The following BLK variants were observed in gnomAD, a reference collection of about 807,000 sequenced individuals.
BLK encodes the protein BLK proto-oncogene, Src family tyrosine kinase, also known as tyrosine-protein kinase Blk.
A neutral mutation model predicts 61.8 loss-of-function variants in BLK; 64 were observed. The observed-to-expected ratio is 1.03, with a 90% CI of 0.85 to 1.27. The LOEUF is 1.27. BLK is among the 50% of genes most tolerant of loss of function. The probability of loss-of-function intolerance (pLI) is 0.00; values close to 1 mark genes in which losing one functional copy is unlikely to be tolerated. For missense variants in BLK, 853 were observed against 660.5 expected, an observed-to-expected ratio of 1.29 and a Z score of -3.19; for synonymous variants, 351 against 272.0, an observed-to-expected ratio of 1.29 and a Z score of -2.86.
intron 8 of BLK, 151 bp downstream of exon 8, chr8:11,555,635 G>T: frequency 4.9e-6 from 6 of 1,232,308 alleles, no homozygotes; most frequent in Non-Finnish European, 6.9e-6. Context: ...ATTTTACAGA[G>T]GAGGAAGTGG....
chr8:11,499,479 A>G (rs1798478565), intron 1 of BLK, among the ~76,000 whole-genome samples: 1 of 152,214 alleles, frequency 6.6e-6, no homozygotes, highest in South Asian at 2.1e-4. Context: ...TCCTGAGAGA[A>G]TCTCATTTCC....
At chr8:11,514,259 G>A (rs565432115) in intron 1 of BLK, among the ~76,000 whole-genome samples, 4 of 152,216 alleles carry the variant, frequency 2.6e-5, no homozygotes, top group Non-Finnish European at 5.9e-5. Context: ...TCAGCAAATA[G>A]AGCCTTGATC....
chr8:11,550,796 G>A (rs756219051), intron 6 of BLK, among the ~76,000 whole-genome samples: 2 of 152,148 alleles, frequency 1.3e-5, no homozygotes, highest in Non-Finnish European at 2.9e-5. Context: ...TCACCCTCAG[G>A]GGTTTTCTCT....
chr8:11,551,095 T>C (rs1800878505), intron 6 of BLK, among the ~76,000 whole-genome samples: 1 of 152,130 alleles, frequency 6.6e-6, no homozygotes, highest in South Asian at 2.1e-4. Context: ...TTCGCCACCA[T>C]GTCTTGTCTG....
intron 1 of BLK, among the ~76,000 whole-genome samples, chr8:11,514,321 T>C (rs1194666814): frequency 1.3e-5 from 2 of 152,322 alleles, no homozygotes; most frequent in East Asian, 1.9e-4. Context: ...GAAAACCCAC[T>C]TGTCCTTTGC....
At chr8:11,539,685 C>G (rs1800287971) in intron 1 of BLK, among the ~76,000 whole-genome samples, 1 of 152,002 alleles carries the variant, frequency 6.6e-6, no homozygotes, top group Non-Finnish European at 1.5e-5. Context: ...TTTATTAAGC[C>G]CACACTCTGT....
intron 6 of BLK, among the ~76,000 whole-genome samples, chr8:11,550,820 T>C (rs1436390278): frequency 2.0e-5 from 3 of 152,250 alleles, no homozygotes; most frequent in African/African-American, 4.8e-5. Flanking sequence ...TCTCTGTCAT[T>C]TGGCTTTCTT....
Position 11,543,230 on chromosome 8 carries a change from GC to G in BLK, c.7del (p.Leu3TrpfsTer2). On this transcript the variant is annotated frameshift_variant, in exon 2 of 13. Coordinates refer to ENST00000259089, the MANE Select transcript of BLK (RefSeq NM_001715.3). LOFTEE classifies it high-confidence loss of function. MG[L>X]VSSKKPDKEK... ...TGCTGTGTGTCTCCGACAGGATGGGGCTGGTAAGTAGCAAAAAGCCGGACAA... is the reference window on the plus strand; with the variant it reads ...TGCTGTGTGTCTCCGACAGGATGGGGTGGTAAGTAGCAAAAAGCCGGACAA... 2 of 1,613,928 alleles carry G rather than the reference GC, an allele frequency of 1.2e-6. No individual in the cohort carries two copies. Among genetic ancestry groups the G allele is most frequent in the Non-Finnish European group, 1.7e-6 (2 of 1,180,000 alleles).
At chr8:11,542,948 G>A (rs1471320756) in intron 1 of BLK, among the ~76,000 whole-genome samples, 2 of 152,130 alleles carry the variant, frequency 1.3e-5, no homozygotes, top group Admixed American at 6.5e-5. Flanking sequence ...TGAGGACCTG[G>A]ATCCACCCCA....
intron 6 of BLK, among the ~76,000 whole-genome samples, chr8:11,553,914 G>T (rs1801046472): frequency 6.6e-6 from 1 of 152,178 alleles, no homozygotes; most frequent in African/African-American, 2.4e-5. Flanking sequence ...AGAACGAGGG[G>T]TCCGTGCCTG....
At chr8:11,546,196 C>T in intron 3 of BLK, 93 bp downstream of exon 3, 1 of 1,456,840 alleles carries the variant, frequency 6.9e-7, no homozygotes, top group Non-Finnish European at 9.6e-7. Context: ...TCAGGAGCAG[C>T]TTGAGGGCTG....
At position 11,546,056 on chromosome 8, in the gene BLK, T is replaced by C; in HGVS notation, c.128T>C (p.Val43Ala). 6.2e-7 allele frequency: 1 copy of C among 1,614,180 alleles called. No homozygotes were observed. Among genetic ancestry groups the C allele is most frequent in the Non-Finnish European group, 8.5e-7 (1 of 1,180,040 alleles). ...KDAPPLPPLV[V>A]FNHLTPPPPD... ...AGTGTGTGTTTTCTACCCAAGGTTG[T>C]CTTCAACCACCTTACTCCTCCACCG... Residue 43 changes from valine (V) to alanine (A), a missense_variant, in exon 3 of 13, where the codon GTC becomes GCC. Physicochemically the swap from Val to Ala is moderately conservative, Grantham distance 64 (BLOSUM62 0). Coordinates refer to ENST00000259089, the MANE Select transcript of BLK (RefSeq NM_001715.3).
At chr8:11,509,860 G>T (rs561727229) in intron 1 of BLK, 2 of 152,120 alleles carry the variant, frequency 1.3e-5, no homozygotes, top group African/African-American at 4.8e-5. Context: ...TATCTGATGC[G>T]CAGTTTTCAT....
Position 11,562,786 on chromosome 8 carries a change from T to C in BLK, c.1181-193T>C, listed in dbSNP as rs7834638. 0.43 allele frequency among the ~76,000 whole-genome samples: 64,840 copies of C among 152,080 alleles called. 14,817 individuals carry two copies. The highest frequency in any genetic ancestry group is 0.92 in the East Asian group (4,772 of 5,168). Reference sequence around the variant, plus strand: ...ATATCGTCTTTCTGTGCTGCTGATGTCGTGTCTGCACTCACCTGGTCATGT... The same window carrying C: ...ATATCGTCTTTCTGTGCTGCTGATGCCGTGTCTGCACTCACCTGGTCATGT... On this transcript the variant is annotated intron_variant, in intron 11 of 12. Transcript: ENST00000259089.
chr8:11,521,450 C>G (rs1189316082), intron 1 of BLK, among the ~76,000 whole-genome samples: 2 of 152,130 alleles, frequency 1.3e-5, no homozygotes, highest in Admixed American at 6.5e-5. Context: ...ATCACCATAT[C>G]CAGCTAATTC....
intron 1 of BLK, among the ~76,000 whole-genome samples, chr8:11,521,785 T>G (rs1278719134): frequency 6.6e-6 from 1 of 152,190 alleles, no homozygotes; most frequent in African/African-American, 2.4e-5. Context: ...CCTGTTCTAT[T>G]TTTACACTCC....
chr8:11,512,808 C>G (rs545968260), intron 1 of BLK, among the ~76,000 whole-genome samples: 1 of 152,178 alleles, frequency 6.6e-6, no homozygotes, highest in Non-Finnish European at 1.5e-5. Context: ...GGACTACAGG[C>G]GCCACCCACC....
At chr8:11,520,852 C>G (rs1201209051) in intron 1 of BLK, among the ~76,000 whole-genome samples, 2 of 152,062 alleles carry the variant, frequency 1.3e-5, no homozygotes, top group East Asian at 3.9e-4. Flanking sequence ...AGACAAAAAT[C>G]AATAGCTTTC....
In BLK at chr8:11,521,397, C is replaced by T. The variant is rs932407993; in HGVS notation, c.-1-21827C>T. On this transcript the variant is annotated intron_variant, in intron 1 of 12. Transcript: ENST00000259089. Reference sequence around the variant, plus strand: ...CCTTGACTTCCCAGGCTCAAGCAATCCTCCCATCTAAGCCTCCCGAGTAGC... The same window carrying T: ...CCTTGACTTCCCAGGCTCAAGCAATTCTCCCATCTAAGCCTCCCGAGTAGC... Among the ~76,000 whole-genome samples the T allele has an allele frequency of 2.4e-4, 36 of 152,318 alleles. 1 individual carries two copies. The East Asian group carries it at 3.7e-3, about 15-fold the overall frequency.
Sources: allele counts gnomAD v4.1 joint callset (sites outside exome capture counted in the v4.1 genomes callset), GRCh38; gene constraint gnomAD v4.1.1; transcripts MANE v1.5; gene names NCBI Gene and HGNC (gene_info 2026-07-23, HGNC 2026-07-21).